NR3C2: variants seen among roughly 807,000 people sequenced by gnomAD.
NR3C2 encodes the protein mineralocorticoid receptor.
NR3C2 carries 15 observed loss-of-function variants against 86.4 expected under a neutral mutation model. The observed-to-expected ratio is 0.17, with a 90% CI of 0.12 to 0.27. The LOEUF is 0.27. Ranked by LOEUF, NR3C2 falls within the 10% of genes least tolerant of loss-of-function variation. The probability of loss-of-function intolerance (pLI) is 1.00; values close to 1 mark genes in which losing one functional copy is unlikely to be tolerated. For synonymous variants in NR3C2, 458 were observed against 450.5 expected, an observed-to-expected ratio of 1.02 and a Z score of -0.21; for missense variants, 960 against 1,195.6, an observed-to-expected ratio of 0.80 and a Z score of 2.91.
chr4:148,225,294 A>G (rs1738086914), intron 3 of NR3C2, among the ~76,000 whole-genome samples: 3 of 152,174 alleles, frequency 2.0e-5, no homozygotes. Flanking sequence ...TTTCTGCTGA[A>G]TGACAGGTGA....
At chr4:148,147,760 G>A (rs35591475) in intron 6 of NR3C2, among the ~76,000 whole-genome samples, 8,672 of 152,272 alleles carry the variant, frequency 0.057, 462 homozygotes, top group African/African-American at 0.14. Context: ...TTGCTGTGGT[G>A]GAAGGTAGGA....
rs529552559 is a variant in NR3C2 at position 148,201,872 on chromosome 4, G to A, written c.1898-7010C>T. On this transcript the variant is annotated intron_variant, in intron 3 of 8. Transcript: ENST00000358102. ...ATTCTATCCCTCTATACACATGGCT[G>A]ATCGTCAGGGTAGTACCCTTTTATC... Among the ~76,000 whole-genome samples the A allele has an allele frequency of 2.0e-5, 3 of 152,256 alleles. No individual in the cohort carries two copies. In the East Asian group the frequency reaches 5.8e-4, roughly 29 times the overall value.
At chr4:148,332,968 T>TA (rs1412093630) in intron 2 of NR3C2, among the ~76,000 whole-genome samples, 3 of 152,092 alleles carry the variant, frequency 2.0e-5, no homozygotes, top group South Asian at 2.1e-4. Flanking sequence ...ACACTCTGGA[T>TA]AAAAAATAAC....
At chr4:148,201,205 G>C (rs1400170838) in intron 3 of NR3C2, 1 of 152,152 alleles carries the variant, frequency 6.6e-6, no homozygotes, top group African/African-American at 2.4e-5. Flanking sequence ...GCCTTCTAGG[G>C]CCCTTCACTG....
At chr4:148,207,524 C>G (rs1220268701) in intron 3 of NR3C2, among the ~76,000 whole-genome samples, 3 of 152,168 alleles carry the variant, frequency 2.0e-5, no homozygotes, top group Non-Finnish European at 4.4e-5. Flanking sequence ...TTATTTACAG[C>G]TGAAACTCAG....
At chr4:148,216,884 T>C (rs1737566648) in intron 3 of NR3C2, among the ~76,000 whole-genome samples, 1 of 152,176 alleles carries the variant, frequency 6.6e-6, no homozygotes, top group Non-Finnish European at 1.5e-5. Context: ...AGGTATCAAA[T>C]TACAGATCAG....
At chr4:148,444,629 C>G (rs115321306), upstream of NR3C2, 778 of 986,430 alleles carry the variant, frequency 7.9e-4, 7 homozygotes, top group African/African-American at 0.013. Flanking sequence ...ATTGGCTGAT[C>G]GGCGGTGAGG....
intron 2 of NR3C2, among the ~76,000 whole-genome samples, chr4:148,282,099 G>A (rs1181035723): frequency 7.9e-5 from 12 of 152,010 alleles, no homozygotes; most frequent in Admixed American, 3.3e-4. Context: ...GTGTGATCTC[G>A]GATCACTACA....
At chr4:148,372,385 A>G (rs1352349785) in intron 2 of NR3C2, among the ~76,000 whole-genome samples, 1 of 152,108 alleles carries the variant, frequency 6.6e-6, no homozygotes, top group Non-Finnish European at 1.5e-5. Context: ...CTCTTCACAT[A>G]AAAGCCCTGA....
intron 2 of NR3C2, among the ~76,000 whole-genome samples, chr4:148,341,980 C>T (rs962207355): frequency 6.6e-6 from 1 of 152,106 alleles, no homozygotes; most frequent in East Asian, 1.9e-4. Context: ...GAAAATATTA[C>T]GGTCACAACT....
At chr4:148,184,589 T>C (rs530368433) in intron 4 of NR3C2, among the ~76,000 whole-genome samples, 56 of 152,282 alleles carry the variant, frequency 3.7e-4, no homozygotes, top group Middle Eastern at 3.4e-3. Context: ...TTTTATGTAA[T>C]ATATGCTATT....
At chr4:148,426,624 C>T (rs375470781) in intron 2 of NR3C2, among the ~76,000 whole-genome samples, 26 of 152,294 alleles carry the variant, frequency 1.7e-4, no homozygotes, top group Admixed American at 3.3e-4. Flanking sequence ...CATTAGGATG[C>T]GTTGTTCATC....
intron 8 of NR3C2, among the ~76,000 whole-genome samples, chr4:148,088,064 T>C (rs1451929778): frequency 6.6e-6 from 1 of 152,070 alleles, no homozygotes; most frequent in East Asian, 1.9e-4. Flanking sequence ...ATGAAGAGAC[T>C]CTTCTCAAAA....
At chr4:148,094,182 A>C (rs1271646720) in intron 8 of NR3C2, among the ~76,000 whole-genome samples, 1 of 152,244 alleles carries the variant, frequency 6.6e-6, no homozygotes, top group African/African-American at 2.4e-5. Flanking sequence ...CTATTATCAA[A>C]AAAGGGGGAA....
intron 4 of NR3C2, among the ~76,000 whole-genome samples, chr4:148,156,219 A>T (rs1328456360): frequency 2.0e-5 from 3 of 152,336 alleles, no homozygotes; most frequent in African/African-American, 2.4e-5. Context: ...CTTCATGTCT[A>T]AAACACCAAA....
At chr4:148,128,156 C>G (rs1313475906) in intron 6 of NR3C2, among the ~76,000 whole-genome samples, 1 of 152,142 alleles carries the variant, frequency 6.6e-6, no homozygotes, top group Non-Finnish European at 1.5e-5. Flanking sequence ...CTGCTTTTAA[C>G]TGAGCACCTA....
At chr4:148,384,364 T>C (rs1441707366) in intron 2 of NR3C2, among the ~76,000 whole-genome samples, 2 of 152,190 alleles carry the variant, frequency 1.3e-5, no homozygotes, top group Non-Finnish European at 2.9e-5. Context: ...CACACTGGAT[T>C]TTCTTTGTCC....
chr4:148,355,244 G>A (rs1745494604), intron 2 of NR3C2, among the ~76,000 whole-genome samples: 2 of 152,138 alleles, frequency 1.3e-5, no homozygotes, highest in Admixed American at 6.5e-5. Context: ...AGTGAGTAGT[G>A]CCAGAGATTA....
At chr4:148,328,588 G>A (rs562912745) in intron 2 of NR3C2, among the ~76,000 whole-genome samples, 1 of 152,296 alleles carries the variant, frequency 6.6e-6, no homozygotes, top group African/African-American at 2.4e-5. Flanking sequence ...CTGAATAACA[G>A]CAACCAAACT....
Sources: allele counts gnomAD v4.1 joint callset (sites outside exome capture counted in the v4.1 genomes callset), GRCh38; gene constraint gnomAD v4.1.1; transcripts MANE v1.5; gene names NCBI Gene and HGNC (gene_info 2026-07-23, HGNC 2026-07-21).